MACROD2: variants seen among roughly 807,000 people sequenced by gnomAD.
The protein encoded by MACROD2 is mono-ADP ribosylhydrolase 2.
In MACROD2, 36 loss-of-function variants were observed where a neutral mutation model predicts 70.4. That is an observed-to-expected ratio of 0.51 (90% CI 0.39 to 0.68). The LOEUF (loss-of-function observed/expected upper bound fraction) is 0.68. MACROD2 is among the 30% of genes least tolerant of loss of function. The pLI is 0.00. For missense variants in MACROD2, 496 were observed against 538.4 expected (o/e 0.92, Z 0.78); for synonymous variants, 172 against 178.8 (o/e 0.96, Z 0.30).
intron 10 of MACROD2, among the ~76,000 whole-genome samples, chr20:15,922,326 G>T (rs1601138886): frequency 6.6e-6 from 1 of 152,296 alleles, no homozygotes; most frequent in South Asian, 2.1e-4. Context: ...TATAAAAAAG[G>T]TGATATTAAT....
intron 5 of MACROD2, among the ~76,000 whole-genome samples, chr20:14,852,483 T>C (rs1230101432): frequency 4.6e-5 from 7 of 151,904 alleles, no homozygotes; most frequent in African/African-American, 1.7e-4. Context: ...AGTTTAGTAG[T>C]GGAGGAAAGA....
chr20:16,010,246 A>G (rs948965156), intron 15 of MACROD2, among the ~76,000 whole-genome samples: 5 of 152,170 alleles, frequency 3.3e-5, no homozygotes, highest in Non-Finnish European at 7.4e-5. Flanking sequence ...GGTTACCTGT[A>G]CAGCACTACA....
At chr20:14,246,299 T>C (rs1032148533) in intron 3 of MACROD2, among the ~76,000 whole-genome samples, 2 of 152,206 alleles carry the variant, frequency 1.3e-5, no homozygotes, top group Admixed American at 1.3e-4. Context: ...ATCATCTTCA[T>C]TGTAGTGACT....
chr20:14,022,907 G>A (rs2053108218), intron 2 of MACROD2, among the ~76,000 whole-genome samples: 2 of 152,204 alleles, frequency 1.3e-5, no homozygotes, highest in Non-Finnish European at 2.9e-5. Context: ...ATGTGTGCAT[G>A]TGTCTTTATA....
At chr20:14,339,762 G>A (rs751672576) in intron 3 of MACROD2, among the ~76,000 whole-genome samples, 2 of 152,084 alleles carry the variant, frequency 1.3e-5, no homozygotes, top group Non-Finnish European at 2.9e-5. Flanking sequence ...ATTATTTTTT[G>A]TTGCTTTTTT....
intron 15 of MACROD2, among the ~76,000 whole-genome samples, chr20:16,032,622 AAAAG>A (rs1430953059): frequency 2.0e-5 from 3 of 150,916 alleles, no homozygotes. Context: ...AGGAGGGACA[AAAAG>A]AAGGAAGAAA....
chr20:14,872,727 T>C (rs1044441005), intron 5 of MACROD2, among the ~76,000 whole-genome samples: 3 of 152,128 alleles, frequency 2.0e-5, no homozygotes, highest in African/African-American at 7.2e-5. Flanking sequence ...ATTATTTTCA[T>C]CACTAAGTGA....
intron 15 of MACROD2, among the ~76,000 whole-genome samples, chr20:16,007,550 G>T (rs1199368594): frequency 1.3e-5 from 2 of 152,132 alleles, no homozygotes; most frequent in Admixed American, 1.3e-4. Context: ...GAAAGCTTTT[G>T]TTTATTCCAT....
chr20:14,692,942 C>A (rs2123614805), intron 5 of MACROD2, among the ~76,000 whole-genome samples: 1 of 152,206 alleles, frequency 6.6e-6, no homozygotes, highest in South Asian at 2.1e-4. Context: ...AAATATCTAC[C>A]TTTTGGAAGC....
intron 5 of MACROD2, among the ~76,000 whole-genome samples, chr20:14,886,697 G>T (rs1291566095): frequency 1.3e-5 from 2 of 152,078 alleles, no homozygotes; most frequent in African/African-American, 2.4e-5. Context: ...AAGTATGATT[G>T]CATTGAAATA....
chr20:14,470,241 G>A (rs113961947), intron 3 of MACROD2, among the ~76,000 whole-genome samples: 2,694 of 152,094 alleles, frequency 0.018, 71 homozygotes, highest in African/African-American at 0.061. Flanking sequence ...TGTTTGCCGG[G>A]GTATCACCAG....
intron 3 of MACROD2, among the ~76,000 whole-genome samples, chr20:14,461,936 T>C (rs1249995575): frequency 1.3e-5 from 2 of 152,058 alleles, no homozygotes; most frequent in East Asian, 1.9e-4. Context: ...TGAATAGTGC[T>C]GCAAGAAACA....
intron 9 of MACROD2, among the ~76,000 whole-genome samples, chr20:15,874,028 T>TA (rs1346965130): frequency 6.6e-6 from 1 of 152,092 alleles, no homozygotes; most frequent in Non-Finnish European, 1.5e-5. Context: ...ACTTGTCATT[T>TA]ACCTTAGGTA....
intron 3 of MACROD2, among the ~76,000 whole-genome samples, chr20:14,316,160 C>T (rs1369893244): frequency 2.0e-5 from 3 of 152,078 alleles, no homozygotes; most frequent in Admixed American, 1.3e-4. Flanking sequence ...GGAACCCAGA[C>T]ATTAAGGTTA....
intron 6 of MACROD2, among the ~76,000 whole-genome samples, chr20:15,293,782 A>G (rs1356616823): frequency 6.6e-6 from 1 of 152,180 alleles, no homozygotes; most frequent in Non-Finnish European, 1.5e-5. Context: ...TACTGTTTGC[A>G]TGGCACAATG....
Position 15,363,027 on chromosome 20 carries a change from G to A in MACROD2, c.541-68378G>A, listed in dbSNP as rs760963171. Among the ~76,000 whole-genome samples, 33 of 151,754 alleles carry A rather than the reference G, an allele frequency of 2.2e-4. 1 individual carries two copies. Among genetic ancestry groups the A allele is most frequent in the Non-Finnish European group, 4.4e-5 (3 of 67,920 alleles). On this transcript the variant is annotated intron_variant, in intron 6 of 17. Coordinates refer to ENST00000684519, the MANE Select transcript of MACROD2 (RefSeq NM_001351661.2). ...AAGAAGGAAGGGAGAAAGGGAGGAA[G>A]GGAGGAAGCCCCTTAGGAATTCATG...
intron 8 of MACROD2, among the ~76,000 whole-genome samples, chr20:15,515,045 G>A (rs949382301): frequency 6.6e-6 from 1 of 152,122 alleles, no homozygotes; most frequent in African/African-American, 2.4e-5. Context: ...TAATTTATTT[G>A]TGAAACCAAG....
At chr20:14,276,207 G>C (rs1196336991) in intron 3 of MACROD2, among the ~76,000 whole-genome samples, 2 of 151,906 alleles carry the variant, frequency 1.3e-5, no homozygotes, top group African/African-American at 4.8e-5. Flanking sequence ...ATTTGCAATA[G>C]CAAAGACTTG....
intron 6 of MACROD2, among the ~76,000 whole-genome samples, chr20:15,324,206 G>T (rs971318032): frequency 6.6e-6 from 1 of 151,970 alleles, no homozygotes; most frequent in Admixed American, 6.6e-5. Flanking sequence ...TTTAAAAAGG[G>T]TTCAATTTTT....
Sources: allele counts gnomAD v4.1 joint callset (sites outside exome capture counted in the v4.1 genomes callset), GRCh38; gene constraint gnomAD v4.1.1; transcripts MANE v1.5; gene names NCBI Gene and HGNC (gene_info 2026-07-23, HGNC 2026-07-21).